Variants in IRF2 observed in about 807,000 individuals in gnomAD.
IRF2 encodes the protein interferon regulatory factor 2.
A neutral mutation model predicts 40.6 loss-of-function variants in IRF2; 15 were observed. The observed-to-expected ratio is 0.37, with a 90% CI of 0.25 to 0.57. The LOEUF is 0.57. Among genes scored for constraint, IRF2 ranks in the 20% least tolerant of loss-of-function variants. The pLI, the probability that IRF2 is intolerant of heterozygous loss-of-function variation, is 0.77. For synonymous variants in IRF2, 151 were observed against 165.5 expected, an observed-to-expected ratio of 0.91 and a Z score of 0.67; for missense variants, 317 against 455.7, an observed-to-expected ratio of 0.70 and a Z score of 2.77.
At chr4:184,415,590 T>C (rs1737239387) in intron 5 of IRF2, among the ~76,000 whole-genome samples, 1 of 152,236 alleles carries the variant, frequency 6.6e-6, no homozygotes, top group Admixed American at 6.5e-5. Flanking sequence ...GTGTCATGGT[T>C]TCATTGCAAG....
intron 8 of IRF2, 114 bp downstream of exon 8, chr4:184,390,589 A>G (rs1283070802): frequency 3.0e-6 from 3 of 1,001,544 alleles, no homozygotes; most frequent in Non-Finnish European, 4.7e-6. Context: ...AGAAAATCCC[A>G]AAGTGAAGCT....
intron 1 of IRF2, 113 bp from the exon 2 acceptor site, chr4:184,429,183 G>GGT: frequency 1.6e-6 from 1 of 610,606 alleles, no homozygotes; most frequent in Non-Finnish European, 2.9e-6. Context: ...TGGGGCTGGG[G>GGT]ACCAGGGGGC....
At chr4:184,436,330 A>G (rs1738077698) in intron 1 of IRF2, among the ~76,000 whole-genome samples, 1 of 152,196 alleles carries the variant, frequency 6.6e-6, no homozygotes, top group Admixed American at 6.5e-5. Context: ...AAATTCATTA[A>G]ACACACATTG....
In IRF2 at chr4:184,435,583, G is replaced by A. The variant is rs1738046985; in HGVS notation, c.-6-6513C>T. On this transcript the variant is annotated intron_variant, in intron 1 of 8. Transcript: ENST00000393593. ...TTAAAAATTAGGGGGGCAAGATCTA[G>A]GAGAAAAAGAAACCCAGGAAGGTGA... Among the ~76,000 whole-genome samples the A allele has an allele frequency of 2.6e-5, 4 of 152,172 alleles. 1 individual carries two copies. In the South Asian group the frequency reaches 8.3e-4, roughly 32 times the overall value.
chr4:184,395,306 G>A (rs1026689920), intron 7 of IRF2, among the ~76,000 whole-genome samples: 8 of 151,156 alleles, frequency 5.3e-5, no homozygotes, highest in Admixed American at 4.6e-4. Flanking sequence ...CCAGCTACTC[G>A]GGAGGCTGAG....
At chr4:184,434,200 A>G (rs1207760185) in intron 1 of IRF2, among the ~76,000 whole-genome samples, 1 of 152,216 alleles carries the variant, frequency 6.6e-6, no homozygotes, top group African/African-American at 2.4e-5. Flanking sequence ...CTCAGTGGAG[A>G]TGACACAGAG....
intron 1 of IRF2, among the ~76,000 whole-genome samples, chr4:184,443,976 T>C (rs115458714): frequency 6.6e-6 from 1 of 152,284 alleles, no homozygotes; most frequent in African/African-American, 2.4e-5. Context: ...AGGCCCTTCA[T>C]AGGCCTACCC....
At chr4:184,411,908 T>C (rs1390178764) in intron 5 of IRF2, among the ~76,000 whole-genome samples, 1 of 151,134 alleles carries the variant, frequency 6.6e-6, no homozygotes, top group Non-Finnish European at 1.5e-5. Context: ...ACATCCCCTC[T>C]GTCTGCTCCC....
At chr4:184,404,461 C>T (rs1736778012) in intron 6 of IRF2, among the ~76,000 whole-genome samples, 1 of 152,150 alleles carries the variant, frequency 6.6e-6, no homozygotes, top group African/African-American at 2.4e-5. Context: ...TTCACTTCAT[C>T]CTCACAATAA....
chr4:184,399,104 G>A (rs779705186), intron 6 of IRF2, 25 bp from the exon 7 acceptor site: 2 of 1,563,032 alleles, frequency 1.3e-6, no homozygotes, highest in Non-Finnish European at 1.7e-6. Flanking sequence ...CAGCCATCAT[G>A]CAAAGTCTGC....
At chr4:184,400,540 T>C (rs896932959) in intron 6 of IRF2, among the ~76,000 whole-genome samples, 1 of 152,206 alleles carries the variant, frequency 6.6e-6, no homozygotes, top group East Asian at 1.9e-4. Flanking sequence ...TCAGGTTTTG[T>C]ATGAATATAA....
intron 1 of IRF2, among the ~76,000 whole-genome samples, chr4:184,445,879 T>A (rs1265043557): frequency 6.6e-6 from 1 of 152,206 alleles, no homozygotes; most frequent in East Asian, 1.9e-4. Context: ...CTTTTCTGCA[T>A]ATGGAGTCTG....
At chr4:184,443,709 T>C (rs542212982) in intron 1 of IRF2, among the ~76,000 whole-genome samples, 99 of 152,294 alleles carry the variant, frequency 6.5e-4, no homozygotes, top group African/African-American at 2.4e-3. Flanking sequence ...AATGATTTCT[T>C]TTCCTTTCAG....
At chr4:184,453,109 A>G in intron 1 of IRF2, among the ~76,000 whole-genome samples, 1 of 152,344 alleles carries the variant, frequency 6.6e-6, no homozygotes, top group Admixed American at 6.5e-5. Context: ...TCTGTAAAAA[A>G]CAGACAACAT....
chr4:184,420,779 C>G (rs1737455926), intron 2 of IRF2, among the ~76,000 whole-genome samples: 1 of 152,216 alleles, frequency 6.6e-6, no homozygotes, highest in South Asian at 2.1e-4. Flanking sequence ...CTCCCACAGC[C>G]TACTGAGTGA....
intron 5 of IRF2, among the ~76,000 whole-genome samples, chr4:184,414,022 G>A (rs1337181497): frequency 6.6e-6 from 1 of 152,202 alleles, no homozygotes; most frequent in African/African-American, 2.4e-5. Context: ...GCACCCGGTG[G>A]ACAAACTTGG....
chr4:184,451,978 G>A (rs1579103618), intron 1 of IRF2, among the ~76,000 whole-genome samples: 1 of 152,164 alleles, frequency 6.6e-6, no homozygotes, highest in South Asian at 2.1e-4. Flanking sequence ...TGACCCTAGG[G>A]TTGCACCAAT....
chr4:184,390,387 A>AAGTAGGATGTTTAAGTGGTAAGAGCATC (rs1222892928), intron 8 of IRF2, among the ~76,000 whole-genome samples: 5 of 152,282 alleles, frequency 3.3e-5, no homozygotes, highest in South Asian at 4.1e-4. Context: ...TTTGCCGGTG[A>AAGTAGGATGTTTAAGTGGTAAGAGCATC]AGTAGGATGT....
intron 5 of IRF2, among the ~76,000 whole-genome samples, chr4:184,414,705 G>A (rs567237106): frequency 8.5e-5 from 13 of 152,318 alleles, no homozygotes; most frequent in African/African-American, 2.4e-4. Flanking sequence ...TTTGTTGGGG[G>A]ACATATAGCA....
Sources: gnomAD v4.1 joint callset for allele counts (sites outside exome capture counted in the v4.1 genomes callset) on GRCh38, gnomAD v4.1.1 for gene constraint, MANE v1.5 for transcripts, NCBI Gene and HGNC (gene_info 2026-07-23, HGNC 2026-07-21) for gene names.